Variants in LRRFIP1 observed in about 807,000 individuals in gnomAD.
The protein encoded by LRRFIP1 is leucine-rich repeat flightless-interacting protein 1.
Under a neutral mutation model 104.4 loss-of-function variants are expected in LRRFIP1, and 62 were observed. That is an observed-to-expected ratio of 0.59 (90% CI 0.48 to 0.73). The LOEUF (loss-of-function observed/expected upper bound fraction) is 0.73. Ranked by LOEUF, LRRFIP1 falls within the 30% of genes least tolerant of loss-of-function variation. LRRFIP1 has a pLI of 0.00. For missense variants in LRRFIP1, 796 were observed against 824.5 expected (o/e 0.97, Z 0.42); for synonymous variants, 300 against 299.0 (o/e 1.00, Z -0.03).
chr2:237,670,263 G>T (rs537159452), intron 1 of LRRFIP1, among the ~76,000 whole-genome samples: 1 of 152,356 alleles, frequency 6.6e-6, no homozygotes, highest in Admixed American at 6.5e-5. Flanking sequence ...ACCTCGGTGT[G>T]TCCCTTGGCT....
In LRRFIP1 at chr2:237,717,652, C is replaced by A; in HGVS notation, c.202-110C>A. 2 of 879,020 alleles carry A rather than the reference C, an allele frequency of 2.3e-6. No individual in the cohort carries two copies. Among genetic ancestry groups the A allele is most frequent in the Non-Finnish European group, 3.9e-6 (2 of 510,794 alleles). 54.5% of individuals were successfully genotyped at this position (879,020 alleles called of 1,614,324 possible). Reference sequence around the variant, plus strand: ...GCTTTGCCTTGGCGTGTTACCTTCACCACACGGCTGGATGGCGGTTTGGAA... The same window carrying A: ...GCTTTGCCTTGGCGTGTTACCTTCAACACACGGCTGGATGGCGGTTTGGAA... On this transcript the variant is annotated intron_variant, in intron 3 of 23. Coordinates refer to ENST00000308482, the MANE Select transcript of LRRFIP1 (RefSeq NM_001137550.2). This position sits in a 1 kb window ranked among gnomAD's most constrained non-coding sequence, Gnocchi z 4.2.
intron 1 of LRRFIP1, 71 bp downstream of exon 1, chr2:237,627,811 C>T: frequency 4.0e-6 from 4 of 989,800 alleles, no homozygotes; most frequent in Non-Finnish European, 5.1e-6. Flanking sequence ...CAGGGTCTCT[C>T]CGGCGTCCGT....
chr2:237,760,425 T>G (rs1487315605), intron 19 of LRRFIP1, among the ~76,000 whole-genome samples: 1 of 152,250 alleles, frequency 6.6e-6, no homozygotes, highest in African/African-American at 2.4e-5. Flanking sequence ...ATGGCTCAAG[T>G]GAACCTTTTC....
chr2:237,650,310 G>C (rs1427652560), intron 1 of LRRFIP1, among the ~76,000 whole-genome samples: 1 of 151,946 alleles, frequency 6.6e-6, no homozygotes, highest in African/African-American at 2.4e-5. Context: ...AGAGAGATCC[G>C]AAGGAAGAGT....
intron 1 of LRRFIP1, among the ~76,000 whole-genome samples, chr2:237,699,603 C>T (rs6759643): frequency 0.042 from 6,375 of 152,218 alleles, 485 homozygotes; most frequent in African/African-American, 0.15. Flanking sequence ...CCGCCTGCCT[C>T]GGCCTCCCAA....
At chr2:237,773,087 A>G (rs1295958652) in intron 22 of LRRFIP1, 142 bp downstream of exon 22, 12 of 646,680 alleles carry the variant, frequency 1.9e-5, no homozygotes, top group Non-Finnish European at 3.0e-5. Flanking sequence ...TAAGACAGCA[A>G]GTCTTTCCAT....
At chr2:237,655,832 A>G (rs548627415) in intron 1 of LRRFIP1, among the ~76,000 whole-genome samples, 1 of 152,392 alleles carries the variant, frequency 6.6e-6, no homozygotes, top group South Asian at 2.1e-4. Context: ...GGAGATAATT[A>G]AAGACAAAAC....
chr2:237,693,417 T>C (rs2092951351), intron 1 of LRRFIP1, among the ~76,000 whole-genome samples: 1 of 152,016 alleles, frequency 6.6e-6, no homozygotes, highest in Non-Finnish European at 1.5e-5. Flanking sequence ...CAGAGAGAGG[T>C]GTAGAAGTAG....
At chr2:237,705,968 T>G (rs1387073587) in intron 1 of LRRFIP1, among the ~76,000 whole-genome samples, 13 of 152,268 alleles carry the variant, frequency 8.5e-5, no homozygotes, top group Admixed American at 7.8e-4. Context: ...CTTGCCTGAT[T>G]AGGGCAGGCC....
At chr2:237,670,495 T>A (rs533965359) in intron 1 of LRRFIP1, among the ~76,000 whole-genome samples, 1 of 152,224 alleles carries the variant, frequency 6.6e-6, no homozygotes, top group African/African-American at 2.4e-5. Flanking sequence ...CTGAGCTGAA[T>A]TGAAGCTGTG....
intron 6 of LRRFIP1, among the ~76,000 whole-genome samples, chr2:237,722,796 C>G (rs141514207): frequency 4.9e-4 from 74 of 152,264 alleles, no homozygotes; most frequent in Non-Finnish European, 9.1e-4. Context: ...TTCTTAGGAA[C>G]AAGGCCAGTG....
chr2:237,764,933 T>C (rs1188258873), intron 19 of LRRFIP1: 179 of 985,464 alleles, frequency 1.8e-4, no homozygotes, highest in Non-Finnish European at 2.1e-4. Context: ...AAATTACATT[T>C]CCTACTGCAG....
intron 19 of LRRFIP1, chr2:237,764,271 CT>C: frequency 6.3e-7 from 1 of 1,583,728 alleles, no homozygotes; most frequent in Middle Eastern, 1.7e-4. Flanking sequence ...AGGTGCTCTA[CT>C]GCTTTAAGTT....
intron 20 of LRRFIP1, among the ~76,000 whole-genome samples, chr2:237,771,332 C>T (rs565215910): frequency 6.0e-5 from 9 of 151,246 alleles, no homozygotes; most frequent in East Asian, 5.8e-4. Flanking sequence ...CCATAAATTC[C>T]GCAAAGTTCC....
At chr2:237,744,869 C>T (rs531110310) in intron 11 of LRRFIP1, among the ~76,000 whole-genome samples, 4 of 152,374 alleles carry the variant, frequency 2.6e-5, no homozygotes, top group African/African-American at 9.6e-5. Flanking sequence ...GGTGCTTTCC[C>T]GTCCTGGGCT....
intron 3 of LRRFIP1, among the ~76,000 whole-genome samples, chr2:237,716,685 AC>A (rs1373858571): frequency 6.6e-6 from 1 of 152,230 alleles, no homozygotes; most frequent in Non-Finnish European, 1.5e-5. Context: ...GAGAAAACTC[AC>A]ATCTGTGTTA....
chr2:237,750,951 T>G (rs76199206), intron 13 of LRRFIP1, among the ~76,000 whole-genome samples: 4,910 of 152,326 alleles, frequency 0.032, 268 homozygotes, highest in African/African-American at 0.11. Flanking sequence ...ATTTTGTCTG[T>G]TTTTTAAACT....
chr2:237,658,032 T>A (rs1159589124), intron 1 of LRRFIP1, among the ~76,000 whole-genome samples: 2 of 152,142 alleles, frequency 1.3e-5, no homozygotes, highest in South Asian at 4.1e-4. Flanking sequence ...AAGACAAGCA[T>A]GGAAATCCTA....
intron 1 of LRRFIP1, among the ~76,000 whole-genome samples, chr2:237,673,661 T>C (rs1174258237): frequency 2.0e-5 from 3 of 152,140 alleles, no homozygotes; most frequent in African/African-American, 7.2e-5. Flanking sequence ...TGTTTGTGGA[T>C]GGAATGAATC....
Sources: allele counts gnomAD v4.1 joint callset (sites outside exome capture counted in the v4.1 genomes callset), GRCh38; gene constraint gnomAD v4.1.1; non-coding constraint Gnocchi (gnomAD v3.1); transcripts MANE v1.5; gene names NCBI Gene and HGNC (gene_info 2026-07-23, HGNC 2026-07-21).